Variants in PTPRM observed in about 807,000 individuals in gnomAD.
The protein encoded by PTPRM is receptor-type tyrosine-protein phosphatase mu.
In PTPRM, 47 loss-of-function variants were observed where a neutral mutation model predicts 186.7. The ratio of observed to expected loss-of-function variants is 0.25; its 90% CI spans 0.20 to 0.32. The LOEUF (loss-of-function observed/expected upper bound fraction) is 0.32. Among genes scored for constraint, PTPRM ranks in the 10% least tolerant of loss-of-function variants. PTPRM has a pLI of 1.00. For missense variants in PTPRM, 1,494 were observed against 1,865.0 expected (o/e 0.80, Z 3.66); for synonymous variants, 668 against 674.9 (o/e 0.99, Z 0.16).
chr18:7,792,464 T>C (rs1048393807), intron 2 of PTPRM, among the ~76,000 whole-genome samples: 26 of 152,294 alleles, frequency 1.7e-4, no homozygotes, highest in African/African-American at 5.8e-4. Context: ...TGTTTTCTCC[T>C]GTCTATCATC....
intron 13 of PTPRM, among the ~76,000 whole-genome samples, chr18:8,138,626 C>T (rs1600778604): frequency 6.6e-6 from 1 of 152,160 alleles, no homozygotes. Context: ...CCCAGACCAG[C>T]GCATCTGCCA....
intron 30 of PTPRM, 70 bp downstream of exon 30, chr18:8,384,756 C>T (rs1208546187): frequency 1.3e-6 from 2 of 1,575,398 alleles, no homozygotes; most frequent in African/African-American, 2.7e-5. Context: ...ATACTTGGAG[C>T]ACTCACTCTA....
chr18:8,254,591 G>T (rs1369654576), intron 19 of PTPRM, among the ~76,000 whole-genome samples: 1 of 152,194 alleles, frequency 6.6e-6, no homozygotes, highest in Non-Finnish European at 1.5e-5. Flanking sequence ...GAAACATCTT[G>T]TCTGGAATTA....
chr18:7,718,637 G>T (rs754423391), intron 1 of PTPRM, among the ~76,000 whole-genome samples: 1 of 152,130 alleles, frequency 6.6e-6, no homozygotes, highest in African/African-American at 2.4e-5. Context: ...CCCACAGAAT[G>T]GGAGAAAATA....
At chr18:7,606,476 C>T (rs560735491) in intron 1 of PTPRM, among the ~76,000 whole-genome samples, 1 of 152,204 alleles carries the variant, frequency 6.6e-6, no homozygotes, top group South Asian at 2.1e-4. Context: ...AAGGTAAAAT[C>T]TGAAGTTAGC....
chr18:7,810,528 C>T (rs753554172), intron 2 of PTPRM, among the ~76,000 whole-genome samples: 18 of 152,024 alleles, frequency 1.2e-4, no homozygotes, highest in Non-Finnish European at 2.4e-4. Flanking sequence ...GTGCTTGATT[C>T]ATAAAGCATT....
At chr18:7,873,330 A>G (rs1234947466) in intron 2 of PTPRM, among the ~76,000 whole-genome samples, 1 of 152,148 alleles carries the variant, frequency 6.6e-6, no homozygotes, top group Non-Finnish European at 1.5e-5. Context: ...TATGCCACCA[A>G]TATTTGGTTA....
chr18:7,710,412 A>G (rs1255537633), intron 1 of PTPRM, among the ~76,000 whole-genome samples: 1 of 152,228 alleles, frequency 6.6e-6, no homozygotes, highest in Non-Finnish European at 1.5e-5. Context: ...AATAAAAGCC[A>G]TCTATGTAAA....
At chr18:8,225,178 T>C (rs2094199137) in intron 14 of PTPRM, among the ~76,000 whole-genome samples, 2 of 152,220 alleles carry the variant, frequency 1.3e-5, no homozygotes, top group Non-Finnish European at 2.9e-5. Context: ...GCAGTTCATA[T>C]AGGAAACTCA....
At chr18:7,821,294 T>C (rs1430073550) in intron 2 of PTPRM, among the ~76,000 whole-genome samples, 3 of 152,204 alleles carry the variant, frequency 2.0e-5, no homozygotes, top group Non-Finnish European at 4.4e-5. Flanking sequence ...GGCTGTGCCA[T>C]GCAGGGACAG....
intron 1 of PTPRM, among the ~76,000 whole-genome samples, chr18:7,678,352 TCC>T (rs1410331476): frequency 6.6e-6 from 1 of 152,182 alleles, no homozygotes; most frequent in Non-Finnish European, 1.5e-5. Flanking sequence ...CTTAAAAGTT[TCC>T]CAATCTGGGT....
intron 31 of PTPRM, among the ~76,000 whole-genome samples, chr18:8,390,973 A>G (rs1050634904): frequency 6.6e-6 from 1 of 150,746 alleles, no homozygotes. Context: ...AATAATAAAG[A>G]TGTCCCGAAT....
At chr18:7,781,079 A>C (rs558597552) in intron 2 of PTPRM, among the ~76,000 whole-genome samples, 2 of 152,154 alleles carry the variant, frequency 1.3e-5, no homozygotes, top group African/African-American at 4.8e-5. Context: ...TATTTCCTTT[A>C]TTAGTATTAT....
intron 2 of PTPRM, among the ~76,000 whole-genome samples, chr18:7,804,846 C>CATCAG (rs1350600267): frequency 6.6e-6 from 1 of 152,196 alleles, no homozygotes; most frequent in Non-Finnish European, 1.5e-5. Context: ...TTTTCCATCA[C>CATCAG]ATTATCTTCA....
chr18:8,199,902 C>T (rs532860340), intron 14 of PTPRM, among the ~76,000 whole-genome samples: 1 of 152,082 alleles, frequency 6.6e-6, no homozygotes, highest in African/African-American at 2.4e-5. Context: ...TAGAAATTAA[C>T]ACTGTATCCC....
At chr18:8,079,887 A>T (rs139112845) in intron 9 of PTPRM, among the ~76,000 whole-genome samples, 1 of 152,298 alleles carries the variant, frequency 6.6e-6, no homozygotes, top group East Asian at 1.9e-4. Context: ...ACAGCAGTCA[A>T]CAGGCTGGTG....
intron 14 of PTPRM, among the ~76,000 whole-genome samples, chr18:8,156,201 C>T (rs997911078): frequency 1.3e-5 from 2 of 152,138 alleles, no homozygotes; most frequent in Admixed American, 1.3e-4. Context: ...TGTAACAGTT[C>T]CTAAAGTAAC....
At chr18:8,085,366 C>T (rs1472961740) in intron 9 of PTPRM, among the ~76,000 whole-genome samples, 1 of 151,802 alleles carries the variant, frequency 6.6e-6, no homozygotes, top group Non-Finnish European at 1.5e-5. Context: ...TGTTCTAAAC[C>T]CATTGTAATG....
intron 2 of PTPRM, among the ~76,000 whole-genome samples, chr18:7,797,651 C>T (rs1054501606): frequency 6.6e-6 from 1 of 151,864 alleles, no homozygotes; most frequent in Non-Finnish European, 1.5e-5. Flanking sequence ...ATCCTCACTT[C>T]TTCTGGCCTT....
Sources: gnomAD v4.1 joint callset for allele counts (sites outside exome capture counted in the v4.1 genomes callset) on GRCh38, gnomAD v4.1.1 for gene constraint, MANE v1.5 for transcripts, NCBI Gene and HGNC (gene_info 2026-07-23, HGNC 2026-07-21) for gene names.